The following ETV1 variants were observed in gnomAD, a reference collection of about 807,000 sequenced individuals.
ETV1 encodes the protein ETS variant transcription factor 1.
Under a neutral mutation model 62.3 loss-of-function variants are expected in ETV1, and 27 were observed. The ratio of observed to expected loss-of-function variants is 0.43; its 90% confidence interval spans 0.32 to 0.60. ETV1 has a LOEUF of 0.60. Among genes scored for constraint, ETV1 ranks in the 20% least tolerant of loss-of-function variants. The pLI is 0.06. For missense variants in ETV1, 605 were observed against 605.8 expected (o/e 1.00, Z 0.01); for synonymous variants, 222 against 199.6 (o/e 1.11, Z -0.94).
At chr7:13,960,825 T>C (rs193092504) in intron 6 of ETV1, among the ~76,000 whole-genome samples, 1 of 152,286 alleles carries the variant, frequency 6.6e-6, no homozygotes, top group East Asian at 1.9e-4. Flanking sequence ...GTTGTTGTTA[T>C]TGATTTTCCT....
chr7:13,978,819 G>A (rs992528980), intron 5 of ETV1, among the ~76,000 whole-genome samples: 6 of 151,692 alleles, frequency 4.0e-5, no homozygotes, highest in African/African-American at 9.7e-5. Flanking sequence ...TAAAATTTAC[G>A]TTATATTATG....
chr7:13,926,135 T>TA (rs1299076559), intron 9 of ETV1, among the ~76,000 whole-genome samples: 1 of 152,186 alleles, frequency 6.6e-6, no homozygotes, highest in Non-Finnish European at 1.5e-5. Flanking sequence ...CATAACTTAC[T>TA]TTACCGTTCA....
intron 12 of ETV1, among the ~76,000 whole-genome samples, chr7:13,905,942 A>T (rs1470822965): frequency 6.6e-6 from 1 of 152,012 alleles, no homozygotes; most frequent in African/African-American, 2.4e-5. Context: ...GTTTTTCCCC[A>T]ATCTTCTTTT....
At chr7:13,914,027 G>C (rs1395984603) in intron 9 of ETV1, among the ~76,000 whole-genome samples, 2 of 151,844 alleles carry the variant, frequency 1.3e-5, no homozygotes, top group South Asian at 2.1e-4. Flanking sequence ...GGGACTACAG[G>C]CTCCCGCCAG....
intron 5 of ETV1, among the ~76,000 whole-genome samples, chr7:13,980,324 T>G (rs1488680121): frequency 6.6e-6 from 1 of 152,168 alleles, no homozygotes; most frequent in Non-Finnish European, 1.5e-5. Context: ...TTGCCACACT[T>G]GTATCATACA....
chr7:13,907,395 TGTAA>T (rs1034953331), intron 11 of ETV1, among the ~76,000 whole-genome samples: 3 of 152,204 alleles, frequency 2.0e-5, no homozygotes, highest in African/African-American at 7.2e-5. Flanking sequence ...GAGAGATTTC[TGTAA>T]GTATGTATTT....
At position 13,891,658 on chromosome 7, in the gene ETV1, G is replaced by C. The variant is rs1027349958; in HGVS notation, c.*4208C>G. On this transcript the variant is annotated 3_prime_UTR_variant, in exon 14 of 14. Coordinates refer to ENST00000430479, the MANE Select transcript of ETV1 (RefSeq NM_004956.5). ...TACTAGTTGAGCTCTGAATAAACTG[G>C]GTGAAATTTTCTAGTATCATGCCCA... 6 of 231,474 alleles carry C rather than the reference G, an allele frequency of 2.6e-5. No individual in the cohort carries two copies. Among genetic ancestry groups the C allele is most frequent in the Non-Finnish European group, 4.3e-5 (5 of 117,292 alleles). The allele number at this position is 231,474 out of a possible 1,614,324, so 14.3% of individuals were successfully genotyped here. A position where few individuals can be genotyped will look rare whatever the true frequency, so the allele number is the denominator to read the frequency against.
chr7:13,918,301 C>A (rs1784420778), intron 9 of ETV1, among the ~76,000 whole-genome samples: 1 of 152,158 alleles, frequency 6.6e-6, no homozygotes, highest in African/African-American at 2.4e-5. Context: ...GGAATTGCCA[C>A]ACTGACTTCC....
intron 9 of ETV1, among the ~76,000 whole-genome samples, chr7:13,922,942 T>G (rs1242267970): frequency 1.3e-5 from 2 of 152,160 alleles, no homozygotes; most frequent in African/African-American, 4.8e-5. Context: ...TGTAAGTAAA[T>G]AGCAATAAAT....
intron 9 of ETV1, among the ~76,000 whole-genome samples, chr7:13,926,132 T>G (rs1785400724): frequency 6.6e-6 from 1 of 152,190 alleles, no homozygotes; most frequent in Admixed American, 6.5e-5. Flanking sequence ...ACCCATAACT[T>G]ACTTTACCGT....
Position 13,941,863 on chromosome 7 carries a change from GAATAAATAAATAAATA to G in ETV1, c.236-2633_236-2618del, listed in dbSNP as rs111978808. Among the ~76,000 whole-genome samples the G allele has an allele frequency of 5.8e-4, 85 of 145,878 alleles. No homozygotes were observed. In the South Asian group the frequency reaches 6.7e-3, roughly 12 times the overall value. ...AGGTGACAGAGTGAGATTCTGCCTC[GAATAAATAAATAAATA>G]AATAAATAAATAAATAAATAAATAA... On this transcript the variant is annotated intron_variant, in intron 6 of 13. Coordinates refer to ENST00000430479, the MANE Select transcript of ETV1 (RefSeq NM_004956.5).
At chr7:13,903,464 G>A (rs1044129247) in intron 12 of ETV1, among the ~76,000 whole-genome samples, 31 of 151,958 alleles carry the variant, frequency 2.0e-4, no homozygotes, top group Non-Finnish European at 4.4e-5. Flanking sequence ...GACTTTCTAT[G>A]TTAATAATTG....
chr7:13,918,443 C>T (rs954253925), intron 9 of ETV1, among the ~76,000 whole-genome samples: 11 of 152,062 alleles, frequency 7.2e-5, no homozygotes, highest in East Asian at 3.9e-4. Flanking sequence ...ATGTTTATTG[C>T]GGCATTATTC....
intron 9 of ETV1, among the ~76,000 whole-genome samples, chr7:13,923,586 C>T (rs190841581): frequency 5.1e-4 from 78 of 152,144 alleles, no homozygotes; most frequent in African/African-American, 1.9e-3. Context: ...CATTTTTCTG[C>T]CTACACATAA....
At chr7:13,970,996 G>T (rs1178131590) in intron 6 of ETV1, among the ~76,000 whole-genome samples, 1 of 151,596 alleles carries the variant, frequency 6.6e-6, no homozygotes, top group Non-Finnish European at 1.5e-5. Flanking sequence ...TTTTGAGACA[G>T]AATCTTACTC....
At chr7:13,925,083 C>T (rs1192907815) in intron 9 of ETV1, among the ~76,000 whole-genome samples, 1 of 152,142 alleles carries the variant, frequency 6.6e-6, no homozygotes, top group Non-Finnish European at 1.5e-5. Flanking sequence ...ATTTCCTGCT[C>T]TCTCTAAGCT....
At chr7:13,974,840 T>A (rs995172949) in intron 6 of ETV1, 6 of 152,304 alleles carry the variant, frequency 3.9e-5, no homozygotes, top group African/African-American at 1.4e-4. Context: ...CTGTGGAGTG[T>A]TGCGTTAAAG....
At chr7:13,934,352 T>C (rs1786540908) in intron 8 of ETV1, among the ~76,000 whole-genome samples, 1 of 152,242 alleles carries the variant, frequency 6.6e-6, no homozygotes, top group African/African-American at 2.4e-5. Context: ...ACGCCCTTTA[T>C]AGCAAAATGA....
At chr7:13,931,839 A>T in intron 8 of ETV1, 90 bp from the exon 9 acceptor site, 4 of 1,477,044 alleles carry the variant, frequency 2.7e-6, no homozygotes, top group Non-Finnish European at 3.7e-6. Context: ...TTAGTGAACG[A>T]ACATGATACC....
Sources: allele counts gnomAD v4.1 joint callset (sites outside exome capture counted in the v4.1 genomes callset), GRCh38; gene constraint gnomAD v4.1.1; transcripts MANE v1.5; gene names NCBI Gene and HGNC (gene_info 2026-07-23, HGNC 2026-07-21).